Variants in TECPR2 observed in about 807,000 individuals in gnomAD.
TECPR2 encodes tectonin beta-propeller repeat-containing protein 2.
A neutral mutation model predicts 138.1 loss-of-function variants in TECPR2; 65 were observed. The ratio of observed to expected loss-of-function variants is 0.47; its 90% CI spans 0.39 to 0.58. The LOEUF (loss-of-function observed/expected upper bound fraction) is 0.58. Among genes scored for constraint, TECPR2 ranks in the 20% least tolerant of loss-of-function variants. TECPR2 has a pLI of 0.00. For missense variants in TECPR2, 1,553 were observed against 1,824.5 expected, an observed-to-expected ratio of 0.85 and a Z score of 2.71; for synonymous variants, 746 against 749.8, an observed-to-expected ratio of 0.99 and a Z score of 0.08.
intron 2 of TECPR2, among the ~76,000 whole-genome samples, chr14:102,402,765 A>G (rs771815532): frequency 7.2e-5 from 11 of 152,184 alleles, no homozygotes; most frequent in Admixed American, 2.6e-4. Flanking sequence ...TGATCTGTTG[A>G]ATACCAACAG....
At chr14:102,412,330 G>A (rs573244552) in intron 4 of TECPR2, among the ~76,000 whole-genome samples, 1 of 152,002 alleles carries the variant, frequency 6.6e-6, no homozygotes, top group East Asian at 1.9e-4. Context: ...ACAGGGCTTC[G>A]CCATGTTGCA....
At chr14:102,467,478 C>T (rs1452666810) in intron 17 of TECPR2, among the ~76,000 whole-genome samples, 1 of 152,020 alleles carries the variant, frequency 6.6e-6, no homozygotes, top group African/African-American at 2.4e-5. Flanking sequence ...GCATGCACCA[C>T]CATGCCCAGG....
In TECPR2 at chr14:102,443,751, C is replaced by CAGAG. The variant is rs1241685443; in HGVS notation, c.2858_2861dup (p.Ala955GlufsTer22). The CAGAG allele has an allele frequency of 1.2e-6, 2 of 1,612,052 alleles. No individual in the cohort carries two copies. The highest frequency in any genetic ancestry group is 1.7e-6 in the Non-Finnish European group (2 of 1,178,498). Reference sequence around the variant, plus strand: ...CAATGTGGTGTGGGCGCTGACAGAGCAGAGGGCCCTCCTGTACCGGGAGGG... The same window carrying CAGAG: ...CAATGTGGTGTGGGCGCTGACAGAGCAGAGAGAGGGCCCTCCTGTACCGGGAGGG... On this transcript the variant is annotated frameshift_variant, in exon 12 of 20. Transcript: ENST00000359520. LOFTEE classifies it high-confidence loss of function. This position sits in a 1 kb window ranked among gnomAD's most constrained non-coding sequence, Gnocchi z 4.9.
At chr14:102,479,601 G>A (rs1448074146) in intron 17 of TECPR2, among the ~76,000 whole-genome samples, 3 of 152,212 alleles carry the variant, frequency 2.0e-5, no homozygotes, top group Non-Finnish European at 4.4e-5. Flanking sequence ...GATTTGTGGT[G>A]CACATCTGTG....
At chr14:102,480,446 G>A (rs28551719) in intron 17 of TECPR2, among the ~76,000 whole-genome samples, 2 of 151,924 alleles carry the variant, frequency 1.3e-5, no homozygotes, top group Non-Finnish European at 2.9e-5. Flanking sequence ...GGATGGTCTC[G>A]ATCTCCTGAC....
chr14:102,475,312 G>C (rs983136869), intron 17 of TECPR2, among the ~76,000 whole-genome samples: 1 of 152,200 alleles, frequency 6.6e-6, no homozygotes, highest in African/African-American at 2.4e-5. Flanking sequence ...TGCAGAAAGG[G>C]GCTGTATTGG....
In TECPR2 at chr14:102,497,557, T is replaced by C; in HGVS notation, c.3932-13T>C. On this transcript the variant is annotated splice_polypyrimidine_tract_variant and intron_variant, in intron 18 of 19. Transcript: ENST00000359520. ...CATGGCAGGGGCTCAGGAGGGACCC[T>C]GTCTGCCCACAGGGTTGCAGGCCTG... is the stretch of plus-strand genomic sequence containing the variant. The C allele has an allele frequency of 6.4e-7, 1 of 1,570,484 alleles. No homozygotes were observed. Among genetic ancestry groups the C allele is most frequent in the South Asian group, 1.2e-5 (1 of 85,718 alleles).
In TECPR2 at chr14:102,400,799, C is replaced by A. The variant is rs562216570; in HGVS notation, c.220-6539C>A. Among the ~76,000 whole-genome samples the A allele has an allele frequency of 5.9e-5, 9 of 152,042 alleles. No homozygotes were observed. The South Asian group carries it at 1.9e-3, about 32-fold the overall frequency. On this transcript the variant is annotated intron_variant, in intron 2 of 19. Transcript: ENST00000359520. ...CTATAACCCCAGCACTTTGGGAGGCCGAGGCGGGTGGATCACGAGGTCAGG... is the reference window on the plus strand; with the variant it reads ...CTATAACCCCAGCACTTTGGGAGGCAGAGGCGGGTGGATCACGAGGTCAGG...
At chr14:102,411,579 CTG>C (rs1270739882) in intron 4 of TECPR2, among the ~76,000 whole-genome samples, 3 of 151,218 alleles carry the variant, frequency 2.0e-5, no homozygotes, top group African/African-American at 7.3e-5. Context: ...CCCCCTTTGA[CTG>C]TAATTTTCCA....
chr14:102,488,684 A>T (rs1052719863), intron 17 of TECPR2, among the ~76,000 whole-genome samples: 1 of 151,750 alleles, frequency 6.6e-6, no homozygotes, highest in Non-Finnish European at 1.5e-5. Context: ...CTGCACTTGT[A>T]TTTATAAGAA....
At chr14:102,450,110 A>G (rs1017878022) in intron 14 of TECPR2, among the ~76,000 whole-genome samples, 1 of 152,224 alleles carries the variant, frequency 6.6e-6, no homozygotes, top group Non-Finnish European at 1.5e-5. Flanking sequence ...CTTTTATGAC[A>G]TAAGAAAAGC....
chr14:102,468,331 G>A (rs1000243055), intron 17 of TECPR2, among the ~76,000 whole-genome samples: 9 of 151,910 alleles, frequency 5.9e-5, no homozygotes, highest in Non-Finnish European at 1.0e-4. Flanking sequence ...AGGATTACAG[G>A]CATGCACCGC....
intron 2 of TECPR2, among the ~76,000 whole-genome samples, chr14:102,385,549 C>T (rs1451482361): frequency 6.6e-6 from 1 of 152,152 alleles, no homozygotes; most frequent in Non-Finnish European, 1.5e-5. Flanking sequence ...GAGGGAGCAG[C>T]ATCCACAGGC....
At chr14:102,472,765 G>A (rs935188096) in intron 17 of TECPR2, among the ~76,000 whole-genome samples, 6 of 152,186 alleles carry the variant, frequency 3.9e-5, no homozygotes, top group Non-Finnish European at 5.9e-5. Context: ...GAGGAAATCT[G>A]TTACCCAGAA....
intron 16 of TECPR2, among the ~76,000 whole-genome samples, chr14:102,458,600 G>A (rs1271857006): frequency 6.6e-6 from 1 of 150,378 alleles, no homozygotes; most frequent in Non-Finnish European, 1.5e-5. Flanking sequence ...GTAGAGATGG[G>A]GTTTCACCAT....
intron 6 of TECPR2, among the ~76,000 whole-genome samples, chr14:102,427,457 T>C (rs1889353662): frequency 6.6e-6 from 1 of 152,152 alleles, no homozygotes; most frequent in South Asian, 2.1e-4. Flanking sequence ...GAAACAAATG[T>C]TATGTTTGCA....
intron 10 of TECPR2, 28 bp downstream of exon 10, chr14:102,438,233 TCCCTGCTCCCGC>T: frequency 6.3e-7 from 1 of 1,581,852 alleles, no homozygotes; most frequent in Middle Eastern, 2.0e-4. Context: ...CTGCTCCCGC[TCCCTGCTCCCGC>T]TCGCCGCTCC....
intron 9 of TECPR2, among the ~76,000 whole-genome samples, chr14:102,436,712 G>C (rs1445549405): frequency 1.3e-5 from 2 of 152,164 alleles, no homozygotes; most frequent in African/African-American, 4.8e-5. Flanking sequence ...GATTATGCTG[G>C]GGACCACAGT....
intron 17 of TECPR2, among the ~76,000 whole-genome samples, chr14:102,480,102 A>G (rs1018316107): frequency 1.3e-5 from 2 of 152,106 alleles, no homozygotes; most frequent in Non-Finnish European, 2.9e-5. Flanking sequence ...GTGAAGGGTC[A>G]TATCCACATT....
Sources: allele counts gnomAD v4.1 joint callset (sites outside exome capture counted in the v4.1 genomes callset), GRCh38; gene constraint gnomAD v4.1.1; non-coding constraint Gnocchi (gnomAD v3.1); transcripts MANE v1.5; gene names NCBI Gene and HGNC (gene_info 2026-07-23, HGNC 2026-07-21).